GRM7: variants seen among roughly 807,000 people sequenced by gnomAD.
GRM7 encodes the protein glutamate metabotropic receptor 7.
In GRM7, 35 loss-of-function variants were observed where a neutral mutation model predicts 84.5. That is an observed-to-expected ratio of 0.41 (90% CI 0.32 to 0.55). GRM7 has a LOEUF of 0.55. Among genes scored for constraint, GRM7 ranks in the 20% least tolerant of loss-of-function variants. The pLI is 0.19. For synonymous variants in GRM7, 487 were observed against 455.1 expected (o/e 1.07, Z -0.89); for missense variants, 1,003 against 1,194.6 (o/e 0.84, Z 2.36).
intron 1 of GRM7, among the ~76,000 whole-genome samples, chr3:6,918,018 T>C (rs1697001879): frequency 6.6e-6 from 1 of 152,180 alleles, no homozygotes; most frequent in Admixed American, 6.6e-5. Context: ...ATATAAAAGG[T>C]CCTTTTTAAG....
intron 1 of GRM7, among the ~76,000 whole-genome samples, chr3:6,936,147 C>A (rs1374890009): frequency 6.6e-6 from 1 of 152,200 alleles, no homozygotes; most frequent in South Asian, 2.1e-4. Flanking sequence ...GTTCCTCCAG[C>A]ACCCAGCTGT....
chr3:6,897,347 G>A (rs1041218759), intron 1 of GRM7, among the ~76,000 whole-genome samples: 1 of 152,198 alleles, frequency 6.6e-6, no homozygotes, highest in Non-Finnish European at 1.5e-5. Flanking sequence ...GGGACTCTGG[G>A]ATTGAGCCCC....
chr3:7,530,094 C>A (rs552184419), intron 7 of GRM7, among the ~76,000 whole-genome samples: 7,553 of 130,784 alleles, frequency 0.058, 566 homozygotes, highest in African/African-American at 0.19. Flanking sequence ...CTCCCCTATC[C>A]CCCCCACCCC....
chr3:7,102,255 GTGT>G (rs918215445), intron 1 of GRM7, among the ~76,000 whole-genome samples: 18 of 151,512 alleles, frequency 1.2e-4, no homozygotes, highest in Non-Finnish European at 1.9e-4. Flanking sequence ...TTTATTTTCA[GTGT>G]TGTTGTTGTT....
At chr3:7,066,033 C>A (rs34036097) in intron 1 of GRM7, among the ~76,000 whole-genome samples, 1 of 151,474 alleles carries the variant, frequency 6.6e-6, no homozygotes, top group Admixed American at 6.6e-5. Flanking sequence ...AAGGCGGTGC[C>A]AAGAGGAAAG....
chr3:7,368,582 T>C (rs1347298864), intron 4 of GRM7, among the ~76,000 whole-genome samples: 2 of 152,162 alleles, frequency 1.3e-5, no homozygotes, highest in Admixed American at 1.3e-4. Flanking sequence ...ATTTGTTTTA[T>C]GGTATTCCTT....
chr3:7,497,619 T>G (rs555344521), intron 7 of GRM7, among the ~76,000 whole-genome samples: 1 of 152,316 alleles, frequency 6.6e-6, no homozygotes, highest in East Asian at 1.9e-4. Context: ...TGCCCTTTAA[T>G]AAGAAGAGAT....
chr3:7,131,963 T>G (rs547363829), intron 1 of GRM7, among the ~76,000 whole-genome samples: 10 of 152,328 alleles, frequency 6.6e-5, no homozygotes, highest in African/African-American at 2.2e-4. Flanking sequence ...CTCTCATTTC[T>G]TCAAAGGACA....
chr3:7,701,034 T>C (rs1490756033), intron 9 of GRM7, among the ~76,000 whole-genome samples: 2 of 152,176 alleles, frequency 1.3e-5, no homozygotes, highest in African/African-American at 4.8e-5. Context: ...CTTTTTACCC[T>C]TTCCCCCAGG....
intron 9 of GRM7, among the ~76,000 whole-genome samples, chr3:7,728,440 G>C (rs1445825424): frequency 2.6e-5 from 4 of 152,110 alleles, no homozygotes; most frequent in Non-Finnish European, 5.9e-5. Context: ...TAACTGAAAG[G>C]TAAGAGGCCA....
intron 1 of GRM7, among the ~76,000 whole-genome samples, chr3:7,105,550 A>C (rs1474441384): frequency 6.6e-6 from 1 of 151,888 alleles, no homozygotes; most frequent in African/African-American, 2.4e-5. Flanking sequence ...TTCACTCTTA[A>C]ATCTTTCTAA....
At chr3:7,292,931 G>T in intron 2 of GRM7, among the ~76,000 whole-genome samples, 1 of 151,066 alleles carries the variant, frequency 6.6e-6, no homozygotes, top group African/African-American at 2.4e-5. Flanking sequence ...TTGCTCGGGG[G>T]GCCAAGGCAG....
intron 4 of GRM7, among the ~76,000 whole-genome samples, chr3:7,321,513 T>C (rs534043479): frequency 6.6e-6 from 1 of 152,076 alleles, no homozygotes; most frequent in Non-Finnish European, 1.5e-5. Flanking sequence ...TGTGTTTTTT[T>C]CCCTGTTCTT....
At chr3:7,205,683 G>C (rs1242268999) in intron 2 of GRM7, among the ~76,000 whole-genome samples, 1 of 152,152 alleles carries the variant, frequency 6.6e-6, no homozygotes, top group Non-Finnish European at 1.5e-5. Flanking sequence ...GTAATTATGT[G>C]GTATGGTGAT....
At position 6,891,706 on chromosome 3, in the gene GRM7, G is replaced by A. The variant is rs145937709; in HGVS notation, c.519+29799G>A. ...CAACTTTGGCAAATCTGACAATTATGTGTGTTGGAGTTGCTCTTCTCGAGG... is the reference window on the plus strand; with the variant it reads ...CAACTTTGGCAAATCTGACAATTATATGTGTTGGAGTTGCTCTTCTCGAGG... On this transcript the variant is annotated intron_variant, in intron 1 of 9. Coordinates refer to ENST00000357716, the MANE Select transcript of GRM7 (RefSeq NM_000844.4). 4.2e-3 allele frequency among the ~76,000 whole-genome samples: 633 copies of A among 152,210 alleles called. 7 individuals carry two copies. Among genetic ancestry groups the A allele is most frequent in the African/African-American group, 0.014 (591 of 41,520 alleles).
chr3:7,349,938 T>C (rs1259590623), intron 4 of GRM7, among the ~76,000 whole-genome samples: 1 of 152,082 alleles, frequency 6.6e-6, no homozygotes, highest in East Asian at 1.9e-4. Flanking sequence ...TTAAGCCCAA[T>C]TCCTTTGTTT....
chr3:7,217,923 C>T (rs1408696297), intron 2 of GRM7, among the ~76,000 whole-genome samples: 3 of 151,556 alleles, frequency 2.0e-5, no homozygotes, highest in African/African-American at 7.3e-5. Flanking sequence ...CGTGGTTATC[C>T]TCCCATATCC....
At chr3:7,224,189 T>A (rs1264665495) in intron 2 of GRM7, among the ~76,000 whole-genome samples, 1 of 152,184 alleles carries the variant, frequency 6.6e-6, no homozygotes, top group Non-Finnish European at 1.5e-5. Flanking sequence ...CAGCATCTGC[T>A]CACTTCTGGG....
intron 2 of GRM7, among the ~76,000 whole-genome samples, chr3:7,211,162 C>A (rs976456834): frequency 6.6e-6 from 1 of 152,168 alleles, no homozygotes; most frequent in South Asian, 2.1e-4. Context: ...GACTAAAGTA[C>A]CCCACCTTTG....
Sources: gnomAD v4.1 joint callset for allele counts (sites outside exome capture counted in the v4.1 genomes callset) on GRCh38, gnomAD v4.1.1 for gene constraint, MANE v1.5 for transcripts, NCBI Gene and HGNC (gene_info 2026-07-23, HGNC 2026-07-21) for gene names.